TCERG1L: variants seen among roughly 807,000 people sequenced by gnomAD.
TCERG1L encodes the protein transcription elongation regulator 1 like.
TCERG1L carries 37 observed loss-of-function variants against 56.3 expected under a neutral mutation model. The observed-to-expected ratio is 0.66, with a 90% CI of 0.51 to 0.87. The LOEUF (loss-of-function observed/expected upper bound fraction) is 0.87. Among genes scored for constraint, TCERG1L ranks in the 40% least tolerant of loss-of-function variants. The pLI, the probability that TCERG1L is intolerant of heterozygous loss-of-function variation, is 0.00. For missense variants in TCERG1L, 799 were observed against 774.2 expected (o/e 1.03, Z -0.38); for synonymous variants, 324 against 326.3 (o/e 0.99, Z 0.08).
chr10:131,273,170 C>T (rs1387093982), intron 3 of TCERG1L, among the ~76,000 whole-genome samples: 1 of 152,198 alleles, frequency 6.6e-6, no homozygotes, highest in Non-Finnish European at 1.5e-5. Flanking sequence ...GGTCCCTGCC[C>T]CATGGCAATG....
intron 1 of TCERG1L, among the ~76,000 whole-genome samples, chr10:131,310,087 A>C (rs1362188314): frequency 6.6e-6 from 1 of 152,196 alleles, no homozygotes; most frequent in Non-Finnish European, 1.5e-5. Flanking sequence ...CTGGTTGTAC[A>C]TATTCTTACT....
intron 10 of TCERG1L, 46 bp from the exon 11 acceptor site, chr10:131,098,470 A>G: frequency 6.6e-7 from 1 of 1,519,448 alleles, no homozygotes; most frequent in Non-Finnish European, 8.8e-7. Flanking sequence ...ATTGCATATC[A>G]GAAATGAAAT....
chr10:131,236,564 T>A (rs1017731921), intron 4 of TCERG1L, among the ~76,000 whole-genome samples: 3 of 152,198 alleles, frequency 2.0e-5, no homozygotes, highest in African/African-American at 4.8e-5. Context: ...TTGTGGCACA[T>A]CCCTTCATGT....
chr10:131,182,131 G>A (rs971817131), intron 4 of TCERG1L, among the ~76,000 whole-genome samples: 17 of 152,210 alleles, frequency 1.1e-4, no homozygotes, highest in Admixed American at 9.8e-4. Context: ...CACACAGGAC[G>A]TGTGTGTATG....
At chr10:131,179,113 G>A (rs565078070) in intron 4 of TCERG1L, among the ~76,000 whole-genome samples, 3 of 152,264 alleles carry the variant, frequency 2.0e-5, no homozygotes, top group East Asian at 3.9e-4. Context: ...ACACCTGCCC[G>A]GCTCTCTCCA....
intron 9 of TCERG1L, among the ~76,000 whole-genome samples, chr10:131,109,811 A>G (rs1162759252): frequency 6.6e-6 from 1 of 152,184 alleles, no homozygotes; most frequent in Non-Finnish European, 1.5e-5. Flanking sequence ...TCTGGGTTGC[A>G]ATAGATTCCC....
chr10:131,279,932 T>C lies in TCERG1L; in HGVS notation c.671-19488A>G, dbSNP rs201240599. The stretch of plus-strand genomic sequence containing the variant: ...CAGCAAATCCCACAGGAGTGACAGG[T>C]GAGAGTTTCTCCATGTGGAATGCGA... On this transcript the variant is annotated intron_variant, in intron 3 of 11. Coordinates refer to ENST00000368642, the MANE Select transcript of TCERG1L (RefSeq NM_174937.4). Among the ~76,000 whole-genome samples the C allele has an allele frequency of 5.5e-4, 83 of 152,232 alleles. 1 individual carries two copies. The East Asian group carries it at 0.011, about 21-fold the overall frequency.
At chr10:131,280,948 C>A (rs539860974) in intron 3 of TCERG1L, among the ~76,000 whole-genome samples, 1 of 152,134 alleles carries the variant, frequency 6.6e-6, no homozygotes, top group Admixed American at 6.5e-5. Flanking sequence ...AAGCCTGTGG[C>A]CGCACCTTCC....
chr10:131,265,762 A>G (rs1846278097), intron 3 of TCERG1L, among the ~76,000 whole-genome samples: 1 of 152,266 alleles, frequency 6.6e-6, no homozygotes, highest in South Asian at 2.1e-4. Flanking sequence ...ATTAGAGATC[A>G]TCTGAGCCTT....
intron 10 of TCERG1L, among the ~76,000 whole-genome samples, 162 bp downstream of exon 10, chr10:131,104,103 C>G (rs1352352455): frequency 1.3e-5 from 2 of 152,216 alleles, no homozygotes; most frequent in African/African-American, 4.8e-5. Context: ...GAATAACCTT[C>G]CTCAGTCCCT....
Position 131,113,235 on chromosome 10 carries a change from C to T in TCERG1L, c.1395+3564G>A, listed in dbSNP as rs1447077833. Among the ~76,000 whole-genome samples, 2 of 142,858 alleles carry T rather than the reference C, an allele frequency of 1.4e-5. 1 individual carries two copies. Among genetic ancestry groups the T allele is most frequent in the Non-Finnish European group, 3.2e-5 (2 of 63,464 alleles). The allele number at this position is 142,858 out of a possible 152,430, so 93.7% of individuals were successfully genotyped here. A position where few individuals can be genotyped will look rare whatever the true frequency, so the allele number is the denominator to read the frequency against. The stretch of plus-strand genomic sequence containing the variant: ...TTTTGAGGGTTACTTTCACATTAAG[C>T]GTAATTATAATCCCATTCCAGAAAT... On this transcript the variant is annotated intron_variant, in intron 9 of 11. Coordinates refer to ENST00000368642, the MANE Select transcript of TCERG1L (RefSeq NM_174937.4).
intron 4 of TCERG1L, among the ~76,000 whole-genome samples, chr10:131,177,169 GACAC>G (rs753863258): frequency 9.7e-4 from 11 of 11,356 alleles, no homozygotes; most frequent in Non-Finnish European, 1.1e-3. Context: ...GAGACACATG[GACAC>G]ACACAGACAT....
chr10:131,247,425 T>A (rs944356948), intron 4 of TCERG1L, among the ~76,000 whole-genome samples: 5 of 152,212 alleles, frequency 3.3e-5, no homozygotes, highest in African/African-American at 1.2e-4. Context: ...AGGCTGGGTT[T>A]AATTCCTATT....
intron 4 of TCERG1L, among the ~76,000 whole-genome samples, chr10:131,216,149 C>A (rs1030255936): frequency 6.6e-6 from 1 of 152,206 alleles, no homozygotes; most frequent in African/African-American, 2.4e-5. Flanking sequence ...AGCCAGGTGT[C>A]ATCAGCTAGT....
At chr10:131,256,992 G>GAAAGAAGGAAAGAAAGAAAGAAA (rs1846172871) in intron 4 of TCERG1L, among the ~76,000 whole-genome samples, 4 of 59,214 alleles carry the variant, frequency 6.8e-5, no homozygotes, top group African/African-American at 2.2e-4. Context: ...AAGGAAGGAA[G>GAAAGAAGGAAAGAAAGAAAGAAA]GAAAGAAAGA....
At chr10:131,135,914 G>A (rs1355606664) in intron 7 of TCERG1L, among the ~76,000 whole-genome samples, 7 of 152,234 alleles carry the variant, frequency 4.6e-5, no homozygotes, top group East Asian at 1.9e-4. Context: ...GCCACAGCCC[G>A]GGCGGAGCTT....
At chr10:131,256,982 AAGGAAG>A in intron 4 of TCERG1L, among the ~76,000 whole-genome samples, 2 of 85,412 alleles carry the variant, frequency 2.3e-5, no homozygotes, top group Non-Finnish European at 2.6e-5. Context: ...GGAAGGAAGG[AAGGAAG>A]GAAGGAAAGA....
At chr10:131,099,024 G>A (rs1159862231) in intron 10 of TCERG1L, among the ~76,000 whole-genome samples, 1 of 152,182 alleles carries the variant, frequency 6.6e-6, no homozygotes, top group African/African-American at 2.4e-5. Flanking sequence ...GTGCATAAGT[G>A]GTCTCTTCTG....
At chr10:131,095,715 T>G (rs1331476071) in intron 11 of TCERG1L, 1 of 152,236 alleles carries the variant, frequency 6.6e-6, no homozygotes, top group East Asian at 1.9e-4. Context: ...CTTATCTCTA[T>G]GTGCCCTATA....
Sources: allele counts gnomAD v4.1 joint callset (sites outside exome capture counted in the v4.1 genomes callset), GRCh38; gene constraint gnomAD v4.1.1; transcripts MANE v1.5; gene names NCBI Gene and HGNC (gene_info 2026-07-23, HGNC 2026-07-21).